The following CRPPA variants were observed in gnomAD, a reference collection of about 807,000 sequenced individuals.
The protein encoded by CRPPA is CDP-L-ribitol pyrophosphorylase A, also known as D-ribitol-5-phosphate cytidylyltransferase.
In CRPPA, 43 loss-of-function variants were observed where a neutral mutation model predicts 52.0. The ratio of observed to expected loss-of-function variants is 0.83; its 90% CI spans 0.65 to 1.07. CRPPA has a LOEUF of 1.07. Among genes scored for constraint, CRPPA ranks in the 50% least tolerant of loss-of-function variants. The probability of loss-of-function intolerance (pLI) is 0.00; values close to 1 mark genes in which losing one functional copy is unlikely to be tolerated. For synonymous variants in CRPPA, 250 were observed against 203.5 expected (o/e 1.23, Z -1.94); for missense variants, 629 against 551.7 (o/e 1.14, Z -1.40).
chr7:16,378,640 T>C (rs1430401018), intron 2 of CRPPA, among the ~76,000 whole-genome samples: 2 of 151,820 alleles, frequency 1.3e-5, no homozygotes, highest in East Asian at 3.9e-4. Flanking sequence ...ATGGGATGGC[T>C]GGGTCAAATG....
intron 9 of CRPPA, among the ~76,000 whole-genome samples, chr7:16,103,779 T>A (rs957849831): frequency 6.6e-6 from 1 of 152,164 alleles, no homozygotes; most frequent in African/African-American, 2.4e-5. Context: ...TTCCAGAACA[T>A]ATGATAACTT....
At chr7:16,125,995 T>C (rs1041227579) in intron 9 of CRPPA, among the ~76,000 whole-genome samples, 1 of 151,702 alleles carries the variant, frequency 6.6e-6, no homozygotes, top group Non-Finnish European at 1.5e-5. Flanking sequence ...CTAAGAATTG[T>C]AGAATTTCTG....
At chr7:16,342,994 G>A (rs1435427736) in intron 3 of CRPPA, among the ~76,000 whole-genome samples, 3 of 151,122 alleles carry the variant, frequency 2.0e-5, no homozygotes, top group Admixed American at 6.6e-5. Context: ...AAGCCAAGAT[G>A]ATGCCACTGC....
At chr7:16,129,330 A>G (rs753956586) in intron 9 of CRPPA, among the ~76,000 whole-genome samples, 4 of 151,970 alleles carry the variant, frequency 2.6e-5, no homozygotes, top group Non-Finnish European at 5.9e-5. Flanking sequence ...CCTAGGTCAA[A>G]TCAATCCTCA....
intron 9 of CRPPA, among the ~76,000 whole-genome samples, chr7:16,125,632 C>T (rs937456757): frequency 1.3e-5 from 2 of 152,018 alleles, no homozygotes; most frequent in African/African-American, 4.8e-5. Flanking sequence ...CGTAAATAAG[C>T]AAGTGTCACA....
intron 9 of CRPPA, among the ~76,000 whole-genome samples, chr7:16,137,541 C>A (rs1440958659): frequency 6.6e-6 from 1 of 152,056 alleles, no homozygotes; most frequent in Non-Finnish European, 1.5e-5. Flanking sequence ...ACAAAGGCAG[C>A]ATTCAAAATT....
In CRPPA at chr7:16,232,593, A is replaced by C. The variant is rs1609080; in HGVS notation, c.1120-16396T>G. On this transcript the variant is annotated intron_variant, in intron 8 of 9. Transcript: ENST00000407010. ...TCTAACACCAGAAAACACAGTAAGT[A>C]AGACAATAATTTACAGGGCATTAGG... 8.8e-3 allele frequency among the ~76,000 whole-genome samples: 1,345 copies of C among 152,144 alleles called. 25 individuals carry two copies. Among genetic ancestry groups the C allele is most frequent in the African/African-American group, 0.031 (1,269 of 41,442 alleles).
chr7:16,219,084 C>T (rs539637898), intron 8 of CRPPA, among the ~76,000 whole-genome samples: 166 of 152,260 alleles, frequency 1.1e-3, no homozygotes, highest in African/African-American at 3.6e-3. Flanking sequence ...GAAATTATAA[C>T]GAATTATCTC....
intron 9 of CRPPA, among the ~76,000 whole-genome samples, chr7:16,151,380 T>A (rs1783073270): frequency 6.6e-6 from 1 of 152,116 alleles, no homozygotes; most frequent in Non-Finnish European, 1.5e-5. Context: ...AAAATTGAGA[T>A]AATTATATAA....
chr7:16,270,561 T>G (rs1229991372), intron 6 of CRPPA: 1 of 152,170 alleles, frequency 6.6e-6, no homozygotes, highest in Non-Finnish European at 1.5e-5. Flanking sequence ...GGAGAATTGC[T>G]CAGGAAATCT....
At chr7:16,398,519 C>A (rs978484798) in intron 2 of CRPPA, among the ~76,000 whole-genome samples, 3 of 152,022 alleles carry the variant, frequency 2.0e-5, no homozygotes, top group Non-Finnish European at 4.4e-5. Context: ...TGGCATAGGT[C>A]CAAAATGTGA....
intron 2 of CRPPA, among the ~76,000 whole-genome samples, chr7:16,398,999 C>G (rs544147027): frequency 1.8e-4 from 27 of 152,378 alleles, no homozygotes; most frequent in African/African-American, 5.5e-4. Flanking sequence ...GTGATTGACA[C>G]TTGACTGACA....
chr7:16,397,268 ACAT>A (rs910381749), intron 2 of CRPPA, among the ~76,000 whole-genome samples: 40 of 152,046 alleles, frequency 2.6e-4, no homozygotes, highest in African/African-American at 9.6e-4. Context: ...GACCAACACA[ACAT>A]GAGGGTGACA....
intron 3 of CRPPA, among the ~76,000 whole-genome samples, chr7:16,373,846 A>C (rs546427156): frequency 3.1e-4 from 47 of 152,312 alleles, no homozygotes; most frequent in Admixed American, 1.8e-3. Flanking sequence ...ATAGAATGGC[A>C]GTTAGACATC....
intron 3 of CRPPA, among the ~76,000 whole-genome samples, chr7:16,334,338 G>C (rs975534807): frequency 6.6e-5 from 10 of 152,110 alleles, no homozygotes; most frequent in Admixed American, 6.5e-4. Context: ...TGGTGTTCTT[G>C]TTATATCCTC....
At chr7:16,384,141 G>C (rs1404329383) in intron 2 of CRPPA, among the ~76,000 whole-genome samples, 1 of 152,084 alleles carries the variant, frequency 6.6e-6, no homozygotes, top group African/African-American at 2.4e-5. Context: ...CATCTTGGCT[G>C]CAGCCGTGTT....
At chr7:16,398,029 C>T (rs558354709) in intron 2 of CRPPA, among the ~76,000 whole-genome samples, 95 of 152,356 alleles carry the variant, frequency 6.2e-4, no homozygotes, top group African/African-American at 2.1e-3. Flanking sequence ...ATGATCAACA[C>T]GTAATCAACA....
chr7:16,089,524 TGTAC>T lies in CRPPA; in HGVS notation c.*2167_*2170del, dbSNP rs1484410033. ...GTACATACATAGATATGGGTATATA[TGTAC>T]GTACATACATATATATGTATATACA... On this transcript the variant is annotated 3_prime_UTR_variant, in exon 10 of 10. Coordinates refer to ENST00000407010, the MANE Select transcript of CRPPA (RefSeq NM_001101426.4). The T allele has an allele frequency of 3.7e-6, 1 of 273,300 alleles. No individual in the cohort carries two copies. The highest frequency in any genetic ancestry group is 7.9e-6 in the Non-Finnish European group (1 of 126,104). 16.9% of individuals were successfully genotyped at this position (273,300 alleles called of 1,614,324 possible).
chr7:16,414,471 A>G (rs1583591308), intron 1 of CRPPA, among the ~76,000 whole-genome samples: 1 of 152,072 alleles, frequency 6.6e-6, no homozygotes, highest in Non-Finnish European at 1.5e-5. Context: ...GCCTCCTACA[A>G]CAGATCCAGG....
Sources: allele counts gnomAD v4.1 joint callset (sites outside exome capture counted in the v4.1 genomes callset), GRCh38; gene constraint gnomAD v4.1.1; transcripts MANE v1.5; gene names NCBI Gene and HGNC (gene_info 2026-07-23, HGNC 2026-07-21).